The following SDK1 variants were observed in gnomAD, a reference collection of about 807,000 sequenced individuals.
The protein encoded by SDK1 is protein sidekick-1.
SDK1 carries 157 observed loss-of-function variants against 245.5 expected under a neutral mutation model. The observed-to-expected ratio is 0.64, with a 90% confidence interval of 0.56 to 0.73. The LOEUF (loss-of-function observed/expected upper bound fraction) is 0.73. Among genes scored for constraint, SDK1 ranks in the 30% least tolerant of loss-of-function variants. The pLI is 0.00. For missense variants in SDK1, 3,583 were observed against 3,002.3 expected (o/e 1.19, Z -4.52); for synonymous variants, 1,647 against 1,278.5 (o/e 1.29, Z -6.15).
At chr7:3,921,123 A>G (rs534059809) in intron 5 of SDK1, among the ~76,000 whole-genome samples, 1 of 152,358 alleles carries the variant, frequency 6.6e-6, no homozygotes, top group Admixed American at 6.5e-5. Flanking sequence ...AGAGAAACAG[A>G]AAGGACATAT....
chr7:3,855,223 C>T (rs1780515643), intron 5 of SDK1, among the ~76,000 whole-genome samples: 2 of 151,956 alleles, frequency 1.3e-5, no homozygotes, highest in South Asian at 4.2e-4. Context: ...ATATTCTTAC[C>T]TGGAATCTCA....
intron 4 of SDK1, among the ~76,000 whole-genome samples, chr7:3,651,937 C>T (rs1190457041): frequency 6.6e-6 from 1 of 152,058 alleles, no homozygotes; most frequent in Non-Finnish European, 1.5e-5. Context: ...GGAGACAGGA[C>T]GGTATTTTCA....
chr7:3,335,389 T>C (rs985758262), intron 1 of SDK1, among the ~76,000 whole-genome samples: 10 of 151,766 alleles, frequency 6.6e-5, no homozygotes, highest in Non-Finnish European at 1.3e-4. Flanking sequence ...CTTTATTAAC[T>C]TACTGGGATA....
At chr7:3,712,700 A>G (rs959602154) in intron 4 of SDK1, among the ~76,000 whole-genome samples, 2 of 152,246 alleles carry the variant, frequency 1.3e-5, no homozygotes, top group African/African-American at 4.8e-5. Context: ...ACAGACATTT[A>G]CTGGGCAGTA....
intron 1 of SDK1, among the ~76,000 whole-genome samples, chr7:3,609,876 T>G (rs1203139440): frequency 6.6e-6 from 1 of 151,860 alleles, no homozygotes; most frequent in Non-Finnish European, 1.5e-5. Context: ...AATTTTTGTG[T>G]TTTTAGTAGA....
At chr7:4,073,147 T>A (rs1780369985) in intron 20 of SDK1, among the ~76,000 whole-genome samples, 1 of 152,174 alleles carries the variant, frequency 6.6e-6, no homozygotes, top group Admixed American at 6.5e-5. Flanking sequence ...GTACCCCCGC[T>A]CCTGGCTCCG....
At chr7:3,839,347 C>T (rs569867837) in intron 5 of SDK1, among the ~76,000 whole-genome samples, 126 of 152,186 alleles carry the variant, frequency 8.3e-4, no homozygotes, top group Non-Finnish European at 1.4e-3. Flanking sequence ...AATCCCCTTG[C>T]GAGCCAGAGA....
intron 1 of SDK1, among the ~76,000 whole-genome samples, chr7:3,305,667 A>C (rs550969216): frequency 6.6e-6 from 1 of 152,314 alleles, no homozygotes; most frequent in African/African-American, 2.4e-5. Flanking sequence ...ATCTTAATAA[A>C]GAGTCTTGCT....
At chr7:3,355,011 A>G (rs1331211746) in intron 1 of SDK1, among the ~76,000 whole-genome samples, 2 of 152,220 alleles carry the variant, frequency 1.3e-5, no homozygotes, top group South Asian at 2.1e-4. Flanking sequence ...TAATTAAGCT[A>G]CAGTTTATTT....
chr7:3,802,538 A>T (rs1779133687), intron 4 of SDK1, among the ~76,000 whole-genome samples: 1 of 151,788 alleles, frequency 6.6e-6, no homozygotes, highest in African/African-American at 2.4e-5. Context: ...CTATATCAAA[A>T]AAAAAAAAAG....
At chr7:3,767,309 A>G (rs1202840037) in intron 4 of SDK1, among the ~76,000 whole-genome samples, 1 of 152,082 alleles carries the variant, frequency 6.6e-6, no homozygotes, top group East Asian at 1.9e-4. Flanking sequence ...AAGGGGAGAA[A>G]GTTTGAAATT....
intron 19 of SDK1, among the ~76,000 whole-genome samples, chr7:4,064,675 A>G (rs536679482): frequency 2.0e-5 from 3 of 152,332 alleles, no homozygotes; most frequent in East Asian, 3.9e-4. Context: ...GTCCATCAGT[A>G]GACCAACGGA....
chr7:3,379,251 T>G (rs1037428296), intron 1 of SDK1, among the ~76,000 whole-genome samples: 1 of 152,184 alleles, frequency 6.6e-6, no homozygotes, highest in Non-Finnish European at 1.5e-5. Context: ...ATGGAGCTTA[T>G]GTATGGTCTT....
chr7:3,384,277 G>A (rs1443381724), intron 1 of SDK1, among the ~76,000 whole-genome samples: 1 of 151,946 alleles, frequency 6.6e-6, no homozygotes, highest in Admixed American at 6.6e-5. Context: ...TTATTAGCAG[G>A]TTCCACAGTA....
At chr7:3,892,544 G>A (rs1781485963) in intron 5 of SDK1, among the ~76,000 whole-genome samples, 1 of 152,226 alleles carries the variant, frequency 6.6e-6, no homozygotes, top group African/African-American at 2.4e-5. Context: ...CTCCTGGCAA[G>A]TCACGATGAG....
chr7:4,151,444 C>T (rs776553749), intron 30 of SDK1, among the ~76,000 whole-genome samples: 2 of 152,220 alleles, frequency 1.3e-5, no homozygotes, highest in South Asian at 2.1e-4. Flanking sequence ...TGGTGAGGTC[C>T]GTATGCTGGC....
At chr7:4,192,864 T>C (rs1417942065) in intron 35 of SDK1, among the ~76,000 whole-genome samples, 5 of 151,756 alleles carry the variant, frequency 3.3e-5, no homozygotes, top group Non-Finnish European at 7.4e-5. Flanking sequence ...CTCAAGCAGC[T>C]CTCAGACATC....
intron 2 of SDK1, among the ~76,000 whole-genome samples, chr7:3,629,956 A>T (rs1782240321): frequency 6.6e-6 from 1 of 152,258 alleles, no homozygotes; most frequent in African/African-American, 2.4e-5. Context: ...CAAAAAAGGC[A>T]GAAATCTAAC....
chr7:3,465,735 T>C (rs574309978), intron 1 of SDK1, among the ~76,000 whole-genome samples: 256 of 152,114 alleles, frequency 1.7e-3, no homozygotes, highest in African/African-American at 6.0e-3. Flanking sequence ...TGTGAAGGAG[T>C]GTCCTGTCAG....
Sources: allele counts gnomAD v4.1 joint callset (sites outside exome capture counted in the v4.1 genomes callset), GRCh38; gene constraint gnomAD v4.1.1; transcripts MANE v1.5; gene names NCBI Gene and HGNC (gene_info 2026-07-23, HGNC 2026-07-21).